The following DOP1A variants were observed in gnomAD, a reference collection of about 807,000 sequenced individuals.
The protein encoded by DOP1A is protein DOP1A.
In DOP1A, 90 loss-of-function variants were observed where a neutral mutation model predicts 267.6. That is an observed-to-expected ratio of 0.34 (90% CI 0.28 to 0.40). The LOEUF is 0.40. Ranked by LOEUF, DOP1A falls within the 10% of genes least tolerant of loss-of-function variation. The pLI is 1.00. For synonymous variants in DOP1A, 932 were observed against 999.1 expected (o/e 0.93, Z 1.27); for missense variants, 2,437 against 2,900.4 (o/e 0.84, Z 3.67).
chr6:83,160,441 A>C (rs1168888526), intron 37 of DOP1A, among the ~76,000 whole-genome samples: 2 of 152,218 alleles, frequency 1.3e-5, no homozygotes, highest in Admixed American at 6.5e-5. Context: ...TGTTAAGAAG[A>C]AGCTGGAAAG....
At chr6:83,068,212 G>A (rs1029700350) in intron 1 of DOP1A, among the ~76,000 whole-genome samples, 1 of 152,232 alleles carries the variant, frequency 6.6e-6, no homozygotes, top group Non-Finnish European at 1.5e-5. Flanking sequence ...CTTCTCGGCT[G>A]GTGGGTTCTT....
chr6:83,167,036 TTGTG>T (rs992189957), intron 38 of DOP1A: 1 of 985,348 alleles, frequency 1.0e-6, no homozygotes, highest in African/African-American at 1.7e-5. Context: ...GTAGCTGTGT[TTGTG>T]TAATTCAGGT....
chr6:83,135,168 C>T (rs762245090), intron 19 of DOP1A, among the ~76,000 whole-genome samples: 5 of 152,038 alleles, frequency 3.3e-5, no homozygotes, highest in Non-Finnish European at 5.9e-5. Flanking sequence ...GATTCCAAAC[C>T]ACACTTTCAT....
intron 7 of DOP1A, among the ~76,000 whole-genome samples, chr6:83,118,490 G>A (rs1465833348): frequency 2.6e-5 from 4 of 152,124 alleles, no homozygotes; most frequent in African/African-American, 9.7e-5. Context: ...ATAAAGAGTG[G>A]ATGAAGATAG....
chr6:83,119,207 C>T (rs1432595141), intron 8 of DOP1A, among the ~76,000 whole-genome samples: 4 of 152,050 alleles, frequency 2.6e-5, no homozygotes, highest in East Asian at 1.9e-4. Context: ...AGTCATGTTC[C>T]CTTGTCCTTA....
chr6:83,170,346 T>A (rs762854252), downstream of DOP1A: 4 of 1,614,052 alleles, frequency 2.5e-6, no homozygotes. Flanking sequence ...ACATCTTCTG[T>A]ACCAGAGGGC....
intron 4 of DOP1A, among the ~76,000 whole-genome samples, chr6:83,108,567 T>C (rs1774037448): frequency 6.6e-6 from 1 of 152,196 alleles, no homozygotes; most frequent in South Asian, 2.1e-4. Context: ...TTATAGCTTT[T>C]GGTCAGCCAG....
chr6:83,068,650 T>A (rs1360458933), intron 1 of DOP1A, among the ~76,000 whole-genome samples: 2 of 152,042 alleles, frequency 1.3e-5, no homozygotes, highest in African/African-American at 4.8e-5. Flanking sequence ...TCTGTTTTGA[T>A]GTTGTTGGCC....
In DOP1A at chr6:83,138,660, C is replaced by G; in HGVS notation, c.4618C>G (p.Gln1540Glu). The G allele has an allele frequency of 6.2e-7, 1 of 1,613,824 alleles. No homozygotes were observed. Among genetic ancestry groups the G allele is most frequent in the Non-Finnish European group, 8.5e-7 (1 of 1,179,908 alleles). ...TTTGCTGTCATCTATCTTTAGTGCT[C>G]AGAAATGGCATAGTGAAAAAATGGC... ...HCLLSSIFSAQKWHSEKMAGK... is the reference protein window; with the variant it reads ...HCLLSSIFSAEKWHSEKMAGK... Residue 1540 changes from glutamine to glutamate, a missense_variant, in exon 21 of 39, where the codon CAG becomes GAG. Gln to Glu is a conservative substitution (Grantham distance 29). This residue lies in a region of DOP1A where 878 missense variants were observed against 992.9 expected (regional missense o/e 0.88). Coordinates refer to ENST00000349129, the MANE Select transcript of DOP1A (RefSeq NM_015018.4).
intron 4 of DOP1A, among the ~76,000 whole-genome samples, chr6:83,106,069 G>A (rs941105477): frequency 1.3e-5 from 2 of 152,134 alleles, no homozygotes; most frequent in Non-Finnish European, 2.9e-5. Flanking sequence ...TATATTAAAT[G>A]TAGATATGTT....
In DOP1A at chr6:83,125,162, G is replaced by A; in HGVS notation, c.1456-4G>A. 6.3e-7 allele frequency: 1 copy of A among 1,580,712 alleles called. No homozygotes were observed. The highest frequency in any genetic ancestry group is 8.5e-7 in the Non-Finnish European group (1 of 1,170,868). ...CCTCACTTCTTTGCTTTCTCATTTT[G>A]AAGCCTACTAGAAGTATGAGGGTGC... On this transcript the variant is annotated splice_polypyrimidine_tract_variant and splice_region_variant and intron_variant, in intron 13 of 38. Transcript: ENST00000349129.
At chr6:83,085,063 T>C (rs1282028725) in intron 1 of DOP1A, among the ~76,000 whole-genome samples, 1 of 152,228 alleles carries the variant, frequency 6.6e-6, no homozygotes, top group Non-Finnish European at 1.5e-5. Context: ...TTAATAGCCA[T>C]GTGAATGTAT....
At chr6:83,142,321 A>G (rs990525310) in intron 24 of DOP1A, among the ~76,000 whole-genome samples, 1 of 152,138 alleles carries the variant, frequency 6.6e-6, no homozygotes, top group African/African-American at 2.4e-5. Flanking sequence ...CAGCCTGGCC[A>G]ACATAGTGAA....
intron 34 of DOP1A, among the ~76,000 whole-genome samples, chr6:83,156,326 T>C (rs761821437): frequency 6.6e-6 from 1 of 152,216 alleles, no homozygotes; most frequent in Non-Finnish European, 1.5e-5. Context: ...TTTTATTGTT[T>C]AGTTCAAATT....
chr6:83,155,443 CAG>C (rs1782594889), intron 33 of DOP1A, among the ~76,000 whole-genome samples: 1 of 152,066 alleles, frequency 6.6e-6, no homozygotes, highest in South Asian at 2.1e-4. Flanking sequence ...GACTGGGTGA[CAG>C]AGGAAGATAC....
At chr6:83,094,553 C>T (rs571804216) in intron 1 of DOP1A, among the ~76,000 whole-genome samples, 22 of 152,252 alleles carry the variant, frequency 1.4e-4, no homozygotes, top group Middle Eastern at 3.4e-3. Context: ...CTACATAACA[C>T]GCTTATTGTC....
chr6:83,129,616 A>G (rs182024278), intron 16 of DOP1A, 108 bp downstream of exon 16: 16,375 of 1,132,660 alleles, frequency 0.014, 162 homozygotes, highest in Non-Finnish European at 0.017. Flanking sequence ...TACTTTTTTT[A>G]ATGTTTTAAT....
At position 83,137,724 on chromosome 6, in the gene DOP1A, G is replaced by C; in HGVS notation, c.3682G>C (p.Val1228Leu). 1 of 1,613,680 alleles carries C rather than the reference G, an allele frequency of 6.2e-7. No homozygotes were observed. Reference protein sequence around the residue: ...SVSAEGGHECVANGISRNSSS... With the variant: ...SVSAEGGHECLANGISRNSSS... ...GTCTGCAGAGGGAGGCCATGAGTGT[G>C]TGGCAAATGGAATCTCCAGGAATAG... Residue 1228 changes from valine (V) to leucine (L), a missense_variant, in exon 21 of 39, where the codon GTG becomes CTG. By Grantham distance (32) the Val-to-Leu change is conservative. Around this residue, in one of 9 missense-constraint regions of DOP1A, gnomAD observed 878 missense variants for 992.9 expected, o/e 0.88. Transcript: ENST00000349129.
At chr6:83,106,176 T>C (rs1773578662) in intron 4 of DOP1A, among the ~76,000 whole-genome samples, 1 of 152,228 alleles carries the variant, frequency 6.6e-6, no homozygotes, top group Non-Finnish European at 1.5e-5. Flanking sequence ...CATGATAGAA[T>C]ACCATATTGC....
Sources: allele counts gnomAD v4.1 joint callset (sites outside exome capture counted in the v4.1 genomes callset), GRCh38; gene constraint gnomAD v4.1.1; regional missense constraint gnomAD v4.1.1; transcripts MANE v1.5; gene names NCBI Gene and HGNC (gene_info 2026-07-23, HGNC 2026-07-21).